ARHGAP10: variants seen among roughly 807,000 people sequenced by gnomAD.
ARHGAP10 encodes the protein Rho GTPase activating protein 10, also known as rho GTPase-activating protein 10.
A neutral mutation model predicts 108.6 loss-of-function variants in ARHGAP10; 87 were observed. That is an observed-to-expected ratio of 0.80 (90% CI 0.67 to 0.96). ARHGAP10 has a LOEUF of 0.96. ARHGAP10 is among the 40% of genes least tolerant of loss of function. The probability of loss-of-function intolerance (pLI) is 0.00; values close to 1 mark genes in which losing one functional copy is unlikely to be tolerated. For missense variants in ARHGAP10, 939 were observed against 954.5 expected, an observed-to-expected ratio of 0.98 and a Z score of 0.21; for synonymous variants, 347 against 341.1, an observed-to-expected ratio of 1.02 and a Z score of -0.19.
intron 4 of ARHGAP10, among the ~76,000 whole-genome samples, chr4:147,856,154 A>C (rs1308607006): frequency 2.6e-5 from 4 of 152,232 alleles, no homozygotes; most frequent in Admixed American, 2.6e-4. Context: ...AAGTTGGCTG[A>C]CAGCTTTAGG....
intron 19 of ARHGAP10, among the ~76,000 whole-genome samples, chr4:148,041,995 A>G (rs146642017): frequency 6.6e-6 from 1 of 152,290 alleles, no homozygotes; most frequent in East Asian, 1.9e-4. Flanking sequence ...CTTTCAGATC[A>G]ATAAAACTAT....
At chr4:147,993,674 C>T (rs142588670) in intron 18 of ARHGAP10, among the ~76,000 whole-genome samples, 1 of 152,282 alleles carries the variant, frequency 6.6e-6, no homozygotes, top group African/African-American at 2.4e-5. Flanking sequence ...GCCAGGTTAA[C>T]ACCATTTCTG....
intron 1 of ARHGAP10, among the ~76,000 whole-genome samples, chr4:147,746,632 C>T (rs927792865): frequency 4.6e-5 from 7 of 152,064 alleles, no homozygotes; most frequent in Admixed American, 1.3e-4. Context: ...TCAGCTGATC[C>T]GCCCACCTCA....
intron 1 of ARHGAP10, among the ~76,000 whole-genome samples, chr4:147,790,503 A>G (rs1731075139): frequency 6.6e-6 from 1 of 152,234 alleles, no homozygotes; most frequent in African/African-American, 2.4e-5. Flanking sequence ...TCTAAGATGT[A>G]ACAAAACATT....
intron 3 of ARHGAP10, among the ~76,000 whole-genome samples, chr4:147,830,441 A>T (rs1164344693): frequency 6.6e-6 from 1 of 151,506 alleles, no homozygotes; most frequent in East Asian, 1.9e-4. Context: ...TTTTGTTCCA[A>T]ACTATTAGGT....
In ARHGAP10 at chr4:148,054,944, G is replaced by A. The variant is rs113973574; in HGVS notation, c.2027+7893G>A. On this transcript the variant is annotated intron_variant, in intron 20 of 22. Transcript: ENST00000336498. ...CCTTCACATTGGGTGGCAGCTGGTCGAAACATTCCTGTCAGTGACTGCAGG... is the reference window on the plus strand; with the variant it reads ...CCTTCACATTGGGTGGCAGCTGGTCAAAACATTCCTGTCAGTGACTGCAGG... Among the ~76,000 whole-genome samples, 355 of 152,276 alleles carry A rather than the reference G, an allele frequency of 2.3e-3. 1 individual carries two copies. Among genetic ancestry groups the A allele is most frequent in the African/African-American group, 7.8e-3 (324 of 41,560 alleles).
At chr4:148,029,822 G>A (rs2149668512) in intron 19 of ARHGAP10, among the ~76,000 whole-genome samples, 1 of 152,302 alleles carries the variant, frequency 6.6e-6, no homozygotes, top group Non-Finnish European at 1.5e-5. Context: ...ATGTGTGACA[G>A]TATATGTAGA....
intron 1 of ARHGAP10, among the ~76,000 whole-genome samples, chr4:147,772,193 C>T (rs771923618): frequency 3.3e-5 from 5 of 152,208 alleles, no homozygotes; most frequent in Admixed American, 6.5e-5. Flanking sequence ...CTTTAAACTG[C>T]GCTAGGCCCT....
intron 3 of ARHGAP10, among the ~76,000 whole-genome samples, chr4:147,836,402 A>G (rs1001426685): frequency 6.6e-6 from 1 of 152,186 alleles, no homozygotes; most frequent in Non-Finnish European, 1.5e-5. Context: ...TACTGGGGAC[A>G]TTTTATTCTT....
At chr4:147,772,208 C>G (rs1560749592) in intron 1 of ARHGAP10, among the ~76,000 whole-genome samples, 1 of 152,208 alleles carries the variant, frequency 6.6e-6, no homozygotes, top group African/African-American at 2.4e-5. Flanking sequence ...GGCCCTTGTT[C>G]CCTTCCCAGT....
At position 147,898,458 on chromosome 4, in the gene ARHGAP10, AT is replaced by A. The variant is rs530483187; in HGVS notation, c.1035-8169del. 2.1e-3 allele frequency among the ~76,000 whole-genome samples: 298 copies of A among 140,148 alleles called. 1 individual carries two copies. Among genetic ancestry groups the A allele is most frequent in the Middle Eastern group, 3.6e-3 (1 of 274 alleles). 91.9% of individuals were successfully genotyped at this position (140,148 alleles called of 152,430 possible). A position where few individuals can be genotyped will look rare whatever the true frequency, so the allele number is the denominator to read the frequency against. ...TATTTCTTTTTAAATAATTTTTATG[AT>A]TTTTTTTTTTGCCTTGCCCAGGGTT... On this transcript the variant is annotated intron_variant, in intron 10 of 22. Coordinates refer to ENST00000336498, the MANE Select transcript of ARHGAP10 (RefSeq NM_024605.4).
rs116421587 is a variant in ARHGAP10 at position 147,964,620 on chromosome 4, A to C, written c.1451-404A>C. ...GAGGGGGTTATCCTGTTCAACCTGT[A>C]ACATGCAATAGCCTATTTGCTGATA... On this transcript the variant is annotated intron_variant, in intron 16 of 22. Coordinates refer to ENST00000336498, the MANE Select transcript of ARHGAP10 (RefSeq NM_024605.4). 2.3e-3 allele frequency among the ~76,000 whole-genome samples: 354 copies of C among 152,362 alleles called. 2 individuals are homozygous for C. The highest frequency in any genetic ancestry group is 8.2e-3 in the African/African-American group (341 of 41,578).
intron 9 of ARHGAP10, among the ~76,000 whole-genome samples, chr4:147,880,849 A>G (rs1014189746): frequency 1.3e-5 from 2 of 152,238 alleles, no homozygotes; most frequent in African/African-American, 4.8e-5. Context: ...TGCAATTTTT[A>G]TAGGCCAAAA....
At chr4:147,819,448 A>G (rs937794562) in intron 1 of ARHGAP10, among the ~76,000 whole-genome samples, 3 of 152,174 alleles carry the variant, frequency 2.0e-5, no homozygotes, top group Non-Finnish European at 2.9e-5. Flanking sequence ...ACTAAAAATT[A>G]TAAGCCCACA....
intron 1 of ARHGAP10, among the ~76,000 whole-genome samples, chr4:147,737,245 G>A (rs1337006571): frequency 6.6e-6 from 1 of 152,098 alleles, no homozygotes; most frequent in Non-Finnish European, 1.5e-5. Context: ...CCGTCTCCCG[G>A]GTTCAAGTGA....
chr4:147,772,582 GA>G, intron 1 of ARHGAP10, among the ~76,000 whole-genome samples: 1 of 152,334 alleles, frequency 6.6e-6, no homozygotes, highest in South Asian at 2.1e-4. Context: ...TGTCTCTCTT[GA>G]ATGTTTGACA....
intron 12 of ARHGAP10, among the ~76,000 whole-genome samples, chr4:147,910,204 G>T (rs1736676727): frequency 6.6e-6 from 1 of 151,732 alleles, no homozygotes; most frequent in Admixed American, 6.6e-5. Context: ...TTTTGTTGTT[G>T]TTGAGATGGG....
At chr4:148,031,193 G>A (rs1469454580) in intron 19 of ARHGAP10, among the ~76,000 whole-genome samples, 1 of 152,164 alleles carries the variant, frequency 6.6e-6, no homozygotes, top group Non-Finnish European at 1.5e-5. Flanking sequence ...GAGAAATAGT[G>A]ATTATTTAAG....
In ARHGAP10 at chr4:147,965,079, G is replaced by A. The variant is rs769807160; in HGVS notation, c.1506G>A (p.Leu502=). Residue 502 remains leucine (L), a synonymous_variant, in exon 17 of 23, where the codon CTG becomes CTA. Transcript: ENST00000336498. ...CGATCCATTTCTTGGTACACAAACT[G>A]CCAGAGAAGAATAAAGAGATGTTGG... ...VNAIHFLVHK[L]PEKNKEMLDI... The A allele has an allele frequency of 6.2e-7, 1 of 1,607,494 alleles. No homozygotes were observed. Among genetic ancestry groups the A allele is most frequent in the Non-Finnish European group, 8.5e-7 (1 of 1,176,636 alleles).
Sources: gnomAD v4.1 joint callset for allele counts (sites outside exome capture counted in the v4.1 genomes callset) on GRCh38, gnomAD v4.1.1 for gene constraint, MANE v1.5 for transcripts, NCBI Gene and HGNC (gene_info 2026-07-23, HGNC 2026-07-21) for gene names.